The following ROR2 variants were observed in gnomAD, a reference collection of about 807,000 sequenced individuals.
The protein encoded by ROR2 is tyrosine-protein kinase transmembrane receptor ROR2.
Under a neutral mutation model 74.9 loss-of-function variants are expected in ROR2, and 33 were observed. The ratio of observed to expected loss-of-function variants is 0.44; its 90% CI spans 0.33 to 0.59. The LOEUF is 0.59. Among genes scored for constraint, ROR2 ranks in the 20% least tolerant of loss-of-function variants. The pLI is 0.02. For missense variants in ROR2, 1,216 were observed against 1,313.8 expected, an observed-to-expected ratio of 0.93 and a Z score of 1.15; for synonymous variants, 586 against 558.7, an observed-to-expected ratio of 1.05 and a Z score of -0.69.
Position 91,733,323 on chromosome 9 carries a change from G to A in ROR2, c.736C>T (p.Pro246Ser). ...FPLCDARSRT[P>S]KPRELCRDEC... ...TCGCGGCACAGCTCACGCGGCTTGG[G>A]TGTCCGGGAGCGCGCGTCGCACAGA... Residue 246 changes from proline (P) to serine (S), a missense_variant, in exon 6 of 9, where the codon CCC becomes TCC. Physicochemically the swap from Pro to Ser is moderately conservative, Grantham distance 74. Coordinates refer to ENST00000375708, the MANE Select transcript of ROR2 (RefSeq NM_004560.4). This position sits in a 1 kb window ranked among gnomAD's most constrained non-coding sequence, Gnocchi z 5.7. 1.2e-6 allele frequency: 2 copies of A among 1,612,706 alleles called. No homozygotes were observed. The highest frequency in any genetic ancestry group is 1.7e-6 in the Non-Finnish European group (2 of 1,179,740).
In ROR2 at chr9:91,724,472, G is replaced by A. The variant is rs758154666; in HGVS notation, c.2022C>T (p.Asp674=). 5.0e-6 allele frequency: 8 copies of A among 1,614,222 alleles called. No homozygotes were observed. In the Admixed American group the frequency reaches 1.2e-4, roughly 24 times the overall value. ...IMYGKFSIDS[D]IWSYGVVLWE... is the part of the protein sequence containing the mutation. The stretch of plus-strand genomic sequence containing the variant: ...ACAGGACCACACCGTAGGACCAGAT[G>A]TCTGAGTCGATGGAGAACTTGCCGT... Residue 674 remains aspartate, a synonymous_variant, in exon 9 of 9, where the codon GAC becomes GAT. Transcript: ENST00000375708.
rs1837052182 is a variant in ROR2 at position 91,726,700 on chromosome 9, G to T, written c.1227C>A (p.Val409=). The change falls in exon 8 of 9, where the codon GTC becomes GTA. Residue 409 remains valine, a synonymous_variant. Coordinates refer to ENST00000375708, the MANE Select transcript of ROR2 (RefSeq NM_004560.4). ...SSKMGILYIL[V]PSIAIPLVIA... ...TGACCAGTGGAATTGCGATGCTGGG[G>T]ACCAAGATGTACAGAATCCCCATCT... 6.2e-7 allele frequency: 1 copy of T among 1,613,838 alleles called. No homozygotes were observed. Among genetic ancestry groups the T allele is most frequent in the African/African-American group, 1.3e-5 (1 of 74,842 alleles).
rs1828730910 is a variant in ROR2, at chr9:91,839,847, G to C, written c.98-64029C>G. On this transcript the variant is annotated intron_variant, in intron 1 of 8. Coordinates refer to ENST00000375708, the MANE Select transcript of ROR2 (RefSeq NM_004560.4). ...TTTCTCCACCGACACTCCTGAGGGT[G>C]ATCTGTTTAATACAATTCCCCTTCT... Among the ~76,000 whole-genome samples, 3 of 151,994 alleles carry C rather than the reference G, an allele frequency of 2.0e-5. No homozygotes were observed. The South Asian group carries it at 6.2e-4, about 32-fold the overall frequency.
intron 1 of ROR2, among the ~76,000 whole-genome samples, chr9:91,870,419 G>T (rs1032205524): frequency 2.0e-5 from 3 of 152,132 alleles, no homozygotes; most frequent in Admixed American, 6.5e-5. Context: ...GCCAGACCGG[G>T]TCTTGATGGC....
intron 2 of ROR2, among the ~76,000 whole-genome samples, chr9:91,768,793 C>T (rs1409646707): frequency 6.6e-6 from 1 of 152,202 alleles, no homozygotes. Flanking sequence ...ACCAACGGTG[C>T]ACACTTTGAA....
intron 1 of ROR2, among the ~76,000 whole-genome samples, chr9:91,903,584 A>G (rs1414354401): frequency 6.6e-6 from 1 of 151,902 alleles, no homozygotes; most frequent in East Asian, 1.9e-4. Flanking sequence ...CAACCTAAAT[A>G]TTTTCTGTAA....
intron 1 of ROR2, among the ~76,000 whole-genome samples, chr9:91,804,842 G>A (rs979920787): frequency 2.6e-5 from 4 of 152,156 alleles, no homozygotes; most frequent in African/African-American, 9.7e-5. Flanking sequence ...AAGTTAGCTA[G>A]ATCATTCAAA....
rs775830543 is a variant in ROR2, at chr9:91,724,396, C to T, written c.2098G>A (p.Asp700Asn). 6.2e-7 allele frequency: 1 copy of T among 1,614,014 alleles called. No individual in the cohort carries two copies. Among genetic ancestry groups the T allele is most frequent in the Non-Finnish European group, 8.5e-7 (1 of 1,180,032 alleles). Residue 700 changes from aspartate to asparagine, a missense_variant, in exon 9 of 9, where the codon GAT (aspartate) becomes AAT (asparagine). By Grantham distance (23) the Asp-to-Asn change is conservative (BLOSUM62 1). Transcript: ENST00000375708. ...CGGTTCCGGATCATCTCCACCACAT[C>T]CTGGTTGGAGTACCCGCAGTAGGGC... ...LQPYCGYSNQDVVEMIRNRQV... is the reference protein window; with the variant it reads ...LQPYCGYSNQNVVEMIRNRQV...
At chr9:91,794,375 T>C (rs1279773641) in intron 1 of ROR2, among the ~76,000 whole-genome samples, 1 of 152,178 alleles carries the variant, frequency 6.6e-6, no homozygotes, top group Non-Finnish European at 1.5e-5. Context: ...AATCTGTGCA[T>C]GAGATGCAGA....
At chr9:91,932,057 C>CA (rs1831563696) in intron 1 of ROR2, among the ~76,000 whole-genome samples, 2 of 151,758 alleles carry the variant, frequency 1.3e-5, no homozygotes, top group South Asian at 2.1e-4. Flanking sequence ...TTTTAATACC[C>CA]AAAAAAAGAG....
intron 1 of ROR2, among the ~76,000 whole-genome samples, chr9:91,889,896 G>C (rs1279584694): frequency 6.6e-6 from 1 of 152,150 alleles, no homozygotes; most frequent in Non-Finnish European, 1.5e-5. Context: ...GAATAATCCT[G>C]GCTTCGGCCC....
In ROR2 at chr9:91,730,965, C is replaced by A; in HGVS notation, c.1128G>T (p.Trp376Cys). ...RNPGGQMEGPWCFTQNKNVRM... is the reference protein window; with the variant it reads ...RNPGGQMEGPCCFTQNKNVRM... ...GTACGTTTTTATTCTGCGTAAAGCACCAGGGGCCCTCCATCTGGCCTCCGG... is the reference window on the plus strand; with the variant it reads ...GTACGTTTTTATTCTGCGTAAAGCAACAGGGGCCCTCCATCTGGCCTCCGG... Residue 376 changes from tryptophan to cysteine, a missense_variant, in exon 7 of 9, where the codon TGG (tryptophan) becomes TGT (cysteine). Transcript: ENST00000375708. The A allele has an allele frequency of 1.2e-6, 2 of 1,614,204 alleles. No individual in the cohort carries two copies. The highest frequency in any genetic ancestry group is 1.7e-6 in the Non-Finnish European group (2 of 1,180,044).
intron 1 of ROR2, among the ~76,000 whole-genome samples, chr9:91,858,425 G>A (rs566448211): frequency 2.6e-5 from 4 of 152,148 alleles, no homozygotes; most frequent in South Asian, 2.1e-4. Flanking sequence ...ACACAGGCGC[G>A]CACAGGGCAC....
rs545370260 is a variant in ROR2, at chr9:91,759,265, G to C, written c.176-1706C>G. 1.2e-4 allele frequency among the ~76,000 whole-genome samples: 19 copies of C among 152,212 alleles called. 1 individual carries two copies. In the South Asian group the frequency reaches 4.0e-3, roughly 32 times the overall value. The stretch of plus-strand genomic sequence containing the variant: ...GATGAGGAGACGGTCTTCATTCACG[G>C]GACAGTGGAAACGCACCTGTCTGCA... On this transcript the variant is annotated intron_variant, in intron 2 of 8. Transcript: ENST00000375708.
chr9:91,929,103 C>T (rs145502545), intron 1 of ROR2, among the ~76,000 whole-genome samples: 99 of 152,302 alleles, frequency 6.5e-4, no homozygotes, highest in Non-Finnish European at 9.6e-4. Context: ...TGTGGCTCCA[C>T]AGAATCAGAA....
chr9:91,737,367 G>A (rs1169235068), intron 5 of ROR2, 24 bp downstream of exon 5: 17 of 1,613,816 alleles, frequency 1.1e-5, no homozygotes, highest in Non-Finnish European at 1.4e-5. Flanking sequence ...TTATCATCCT[G>A]GGAGAAAGGT....
At position 91,801,478 on chromosome 9, in the gene ROR2, G is replaced by A. The variant is rs563290033; in HGVS notation, c.98-25660C>T. On this transcript the variant is annotated intron_variant, in intron 1 of 8. Transcript: ENST00000375708. ...CTACCGAACAGCTGGGACTACAGGCGCCCGCCACCACACCCAGCTAATTTT... is the reference window on the plus strand; with the variant it reads ...CTACCGAACAGCTGGGACTACAGGCACCCGCCACCACACCCAGCTAATTTT... 1.1e-4 allele frequency among the ~76,000 whole-genome samples: 17 copies of A among 152,224 alleles called. No individual in the cohort carries two copies. In the East Asian group the frequency reaches 2.5e-3, roughly 23 times the overall value.
intron 1 of ROR2, among the ~76,000 whole-genome samples, chr9:91,903,535 G>T (rs1438609016): frequency 6.6e-6 from 1 of 151,946 alleles, no homozygotes; most frequent in African/African-American, 2.4e-5. Context: ...TTCTTCCATG[G>T]AGTATTTTCA....
rs1325844754 is a variant in ROR2 at position 91,949,977 on chromosome 9, G to A, written c.-14C>T. 2 of 1,425,834 alleles carry A rather than the reference G, an allele frequency of 1.4e-6. No individual in the cohort carries two copies. The highest frequency in any genetic ancestry group is 1.8e-6 in the Non-Finnish European group (2 of 1,094,142). 88.3% of individuals were successfully genotyped at this position (1,425,834 alleles called of 1,614,324 possible). A position where few individuals can be genotyped will look rare whatever the true frequency, so the allele number is the denominator to read the frequency against. The stretch of plus-strand genomic sequence containing the variant: ...GCCCCGGGCCATGCCGCAGGCAGTG[G>A]GGGCCGGGAAGCCCTCAGAGCTTCG... On this transcript the variant is annotated 5_prime_UTR_variant, in exon 1 of 9. Transcript: ENST00000375708.
Sources: gnomAD v4.1 joint callset for allele counts (sites outside exome capture counted in the v4.1 genomes callset) on GRCh38, gnomAD v4.1.1 for gene constraint, Gnocchi (gnomAD v3.1) non-coding constraint, MANE v1.5 for transcripts, NCBI Gene and HGNC (gene_info 2026-07-23, HGNC 2026-07-21) for gene names.